The following RALYL variants were observed in gnomAD, a reference collection of about 807,000 sequenced individuals.
RALYL encodes RALY RNA binding protein like, also known as RNA-binding Raly-like protein.
Under a neutral mutation model 35.1 loss-of-function variants are expected in RALYL, and 29 were observed. The observed-to-expected ratio is 0.83, with a 90% CI of 0.61 to 1.13. The LOEUF is 1.13. RALYL is among the 50% of genes most tolerant of loss of function. The probability of loss-of-function intolerance (pLI) is 0.00; values close to 1 mark genes in which losing one functional copy is unlikely to be tolerated. For missense variants in RALYL, 359 were observed against 360.4 expected, an observed-to-expected ratio of 1.00 and a Z score of 0.03; for synonymous variants, 120 against 127.6, an observed-to-expected ratio of 0.94 and a Z score of 0.40.
intron 2 of RALYL, among the ~76,000 whole-genome samples, chr8:84,705,328 A>G (rs1841004712): frequency 6.6e-6 from 1 of 152,094 alleles, no homozygotes; most frequent in African/African-American, 2.4e-5. Context: ...AAGCTTCTGG[A>G]GAGGCTTCTT....
intron 1 of RALYL, among the ~76,000 whole-genome samples, chr8:84,503,627 G>T (rs964838433): frequency 6.6e-5 from 10 of 152,032 alleles, no homozygotes; most frequent in African/African-American, 2.4e-4. Flanking sequence ...AAGGAGGGTG[G>T]ATCACAAGGT....
intron 1 of RALYL, among the ~76,000 whole-genome samples, chr8:84,331,368 T>C (rs1563745284): frequency 6.6e-6 from 1 of 152,286 alleles, no homozygotes; most frequent in East Asian, 1.9e-4. Flanking sequence ...ACAATTATAA[T>C]GTGTAACACT....
At chr8:84,526,707 T>G (rs113961934) in intron 1 of RALYL, among the ~76,000 whole-genome samples, 1 of 152,356 alleles carries the variant, frequency 6.6e-6, no homozygotes, top group South Asian at 2.1e-4. Context: ...TGCTCTGAAC[T>G]CTGATCTGTA....
chr8:84,702,536 C>G (rs1304844783), intron 2 of RALYL, among the ~76,000 whole-genome samples: 1 of 142,784 alleles, frequency 7.0e-6, no homozygotes, highest in African/African-American at 2.7e-5. Flanking sequence ...CTCTCTCTCT[C>G]TCTCACACAC....
chr8:84,332,177 G>A (rs1039960690), intron 1 of RALYL, among the ~76,000 whole-genome samples: 4 of 152,088 alleles, frequency 2.6e-5, no homozygotes, highest in African/African-American at 9.7e-5. Flanking sequence ...TGACTTGTGT[G>A]TGTAGAAGAG....
At chr8:84,186,037 A>T (rs1331786622) in intron 1 of RALYL, among the ~76,000 whole-genome samples, 1 of 152,218 alleles carries the variant, frequency 6.6e-6, no homozygotes, top group Non-Finnish European at 1.5e-5. Flanking sequence ...GTATCTCAAA[A>T]GTCTTTGGAC....
intron 2 of RALYL, among the ~76,000 whole-genome samples, chr8:84,643,899 C>A (rs1004819077): frequency 6.6e-6 from 1 of 151,944 alleles, no homozygotes; most frequent in Non-Finnish European, 1.5e-5. Flanking sequence ...CCATGATCCT[C>A]CTGAAATGCA....
intron 6 of RALYL, among the ~76,000 whole-genome samples, chr8:84,865,778 C>T (rs1366176134): frequency 6.6e-6 from 1 of 152,168 alleles, no homozygotes; most frequent in African/African-American, 2.4e-5. Flanking sequence ...TAATGTCTAA[C>T]AAGAAAGACT....
intron 7 of RALYL, among the ~76,000 whole-genome samples, chr8:84,885,852 A>C (rs1842850861): frequency 6.6e-6 from 1 of 152,180 alleles, no homozygotes; most frequent in African/African-American, 2.4e-5. Flanking sequence ...CATACCGTCT[A>C]CCTTTTGTAT....
At chr8:84,524,371 C>G (rs1261137511) in intron 1 of RALYL, among the ~76,000 whole-genome samples, 2 of 152,166 alleles carry the variant, frequency 1.3e-5, no homozygotes, top group Non-Finnish European at 2.9e-5. Flanking sequence ...CCCTGGCCAT[C>G]AGAGAAATGC....
At chr8:84,281,257 A>G (rs1163787416) in intron 1 of RALYL, among the ~76,000 whole-genome samples, 1 of 152,118 alleles carries the variant, frequency 6.6e-6, no homozygotes, top group Non-Finnish European at 1.5e-5. Context: ...TCTCTGGGTA[A>G]TTTTAGATAC....
At chr8:84,529,833 C>T (rs1392564095) in intron 2 of RALYL, among the ~76,000 whole-genome samples, 1 of 152,108 alleles carries the variant, frequency 6.6e-6, no homozygotes, top group African/African-American at 2.4e-5. Context: ...CACAGCCAGG[C>T]AAATAATAAA....
chr8:84,683,749 C>G (rs907036332), intron 2 of RALYL, among the ~76,000 whole-genome samples: 4 of 152,072 alleles, frequency 2.6e-5, no homozygotes. Context: ...TGCAGTGGCA[C>G]AATCCCGGTT....
chr8:84,306,019 C>T (rs1291678809), intron 1 of RALYL, among the ~76,000 whole-genome samples: 1 of 151,996 alleles, frequency 6.6e-6, no homozygotes, highest in East Asian at 1.9e-4. Context: ...AAAAAATTAG[C>T]CAGGCATGGT....
At chr8:84,246,415 G>A (rs1299695732) in intron 1 of RALYL, among the ~76,000 whole-genome samples, 1 of 152,078 alleles carries the variant, frequency 6.6e-6, no homozygotes, top group East Asian at 1.9e-4. Context: ...AGATTTTCAA[G>A]GAAGAAACTT....
chr8:84,775,636 T>G (rs1198509992), intron 3 of RALYL, among the ~76,000 whole-genome samples: 2 of 152,196 alleles, frequency 1.3e-5, no homozygotes, highest in Non-Finnish European at 2.9e-5. Context: ...GTCTTTCCCC[T>G]CTACGTGCCC....
intron 2 of RALYL, among the ~76,000 whole-genome samples, chr8:84,710,896 A>G (rs1309530714): frequency 1.3e-5 from 2 of 152,162 alleles, no homozygotes; most frequent in African/African-American, 4.8e-5. Flanking sequence ...AAGATGACAC[A>G]CAAATAAATA....
At chr8:84,298,403 T>C (rs567116208) in intron 1 of RALYL, among the ~76,000 whole-genome samples, 1 of 151,980 alleles carries the variant, frequency 6.6e-6, no homozygotes, top group African/African-American at 2.4e-5. Flanking sequence ...GTGTTTGTAT[T>C]TGTGCCATTG....
rs566610691 is a variant in RALYL at position 84,685,832 on chromosome 8, C to A, written c.257-88747C>A. ...GATACAATAATGTGGGTATTTTTAC[C>A]ATAAAATCTGGTTTGCTTTTGGAAG... On this transcript the variant is annotated intron_variant, in intron 2 of 8. Transcript: ENST00000521268. Among the ~76,000 whole-genome samples, 7 of 152,090 alleles carry A rather than the reference C, an allele frequency of 4.6e-5. 1 individual carries two copies. The highest frequency in any genetic ancestry group is 1.7e-4 in the African/African-American group (7 of 41,498).
Sources: gnomAD v4.1 joint callset for allele counts (sites outside exome capture counted in the v4.1 genomes callset) on GRCh38, gnomAD v4.1.1 for gene constraint, MANE v1.5 for transcripts, NCBI Gene and HGNC (gene_info 2026-07-23, HGNC 2026-07-21) for gene names.